Variants in TM9SF2 observed in about 807,000 individuals in gnomAD.
The protein encoded by TM9SF2 is transmembrane 9 superfamily member 2.
Under a neutral mutation model 84.9 loss-of-function variants are expected in TM9SF2, and 13 were observed. The ratio of observed to expected loss-of-function variants is 0.15; its 90% confidence interval spans 0.10 to 0.24. The LOEUF (loss-of-function observed/expected upper bound fraction) is 0.24, where lower values mean the gene tolerates loss of function less well. Among genes scored for constraint, TM9SF2 ranks in the 10% least tolerant of loss-of-function variants. The pLI is 1.00. For synonymous variants in TM9SF2, 273 were observed against 285.8 expected (o/e 0.96, Z 0.45); for missense variants, 562 against 818.5 (o/e 0.69, Z 3.82).
At chr13:99,509,814 C>T (rs1421639631) in intron 1 of TM9SF2, among the ~76,000 whole-genome samples, 10 of 152,186 alleles carry the variant, frequency 6.6e-5, no homozygotes, top group South Asian at 2.1e-4. Flanking sequence ...CTGTAGCATG[C>T]GGTTGCCCCA....
chr13:99,557,813 G>C (rs1311334566), intron 15 of TM9SF2, among the ~76,000 whole-genome samples: 1 of 152,078 alleles, frequency 6.6e-6, no homozygotes, highest in Non-Finnish European at 1.5e-5. Context: ...AGTAAGCCAT[G>C]ATTACACCAC....
intron 8 of TM9SF2, among the ~76,000 whole-genome samples, 154 bp from the exon 9 acceptor site, chr13:99,541,405 G>C (rs1302989003): frequency 6.6e-6 from 1 of 152,188 alleles, no homozygotes; most frequent in Non-Finnish European, 1.5e-5. Context: ...AAACATGAAA[G>C]AACACAGTTC....
chr13:99,503,431 A>G (rs1174557295), intron 1 of TM9SF2, among the ~76,000 whole-genome samples: 2 of 152,176 alleles, frequency 1.3e-5, no homozygotes, highest in African/African-American at 4.8e-5. Context: ...TGACAGGGCC[A>G]GGTGTGGTGG....
chr13:99,549,062 T>C (rs934596065), intron 11 of TM9SF2, 103 bp from the exon 12 acceptor site: 13 of 866,608 alleles, frequency 1.5e-5, no homozygotes, highest in Non-Finnish European at 2.3e-5. Flanking sequence ...GAATGAGTAC[T>C]CATTGCTGTC....
chr13:99,544,595 G>C (rs1264258621), intron 10 of TM9SF2, among the ~76,000 whole-genome samples: 1 of 152,160 alleles, frequency 6.6e-6, no homozygotes, highest in Admixed American at 6.6e-5. Context: ...GGACCATTTA[G>C]GGTCTCTTTT....
intron 9 of TM9SF2, among the ~76,000 whole-genome samples, chr13:99,542,143 C>CT (rs2046262828): frequency 1.5e-5 from 2 of 136,350 alleles, no homozygotes; most frequent in African/African-American, 2.8e-5. Flanking sequence ...GAGCAAGACT[C>CT]TGTCTCAAAA....
intron 15 of TM9SF2, among the ~76,000 whole-genome samples, chr13:99,558,025 A>G (rs978441334): frequency 1.3e-5 from 2 of 152,234 alleles, no homozygotes; most frequent in South Asian, 2.1e-4. Context: ...GTGTCCAGCT[A>G]CATTATTTGA....
intron 14 of TM9SF2, 40 bp downstream of exon 14, chr13:99,554,495 A>G: frequency 1.9e-6 from 3 of 1,585,694 alleles, no homozygotes; most frequent in Admixed American, 1.8e-5. Flanking sequence ...CATTACCATT[A>G]TATGTAATAT....
intron 13 of TM9SF2, 134 bp from the exon 14 acceptor site, chr13:99,554,170 A>G (rs2046317194): frequency 5.7e-6 from 6 of 1,048,070 alleles, no homozygotes; most frequent in Non-Finnish European, 6.8e-6. Context: ...TTTCAGTTTG[A>G]TGTCTTAAGT....
intron 4 of TM9SF2, among the ~76,000 whole-genome samples, chr13:99,535,263 A>G (rs1439643791): frequency 6.6e-6 from 1 of 152,316 alleles, no homozygotes; most frequent in Admixed American, 6.5e-5. Context: ...TATATAAATG[A>G]TACATTTAGG....
intron 3 of TM9SF2, among the ~76,000 whole-genome samples, chr13:99,523,022 C>T (rs911396967): frequency 6.6e-6 from 1 of 152,174 alleles, no homozygotes; most frequent in Non-Finnish European, 1.5e-5. Flanking sequence ...CATATCTGTA[C>T]TAAAACAAAT....
At chr13:99,541,491 T>C in intron 8 of TM9SF2, 68 bp from the exon 9 acceptor site, 1 of 1,183,550 alleles carries the variant, frequency 8.4e-7, no homozygotes, top group Non-Finnish European at 1.2e-6. Context: ...CAATAAACAG[T>C]TTTTAAAAGA....
At chr13:99,548,232 C>T (rs78568008) in intron 11 of TM9SF2, among the ~76,000 whole-genome samples, 3,751 of 152,186 alleles carry the variant, frequency 0.025, 156 homozygotes, top group African/African-American at 0.086. Flanking sequence ...TCACTAATGC[C>T]TCCCCATCCT....
rs570869690 is a variant in TM9SF2, at chr13:99,519,942, A to G, written c.240-94A>G. The G allele has an allele frequency of 4.9e-5, 51 of 1,036,750 alleles. No individual in the cohort carries two copies. The African/African-American group carries it at 6.8e-4, about 14-fold the overall frequency. 64.2% of individuals were successfully genotyped at this position (1,036,750 alleles called of 1,614,324 possible). ...TTACTCATCTACTAGAGCTGCTACA[A>G]TGATCAGTACCTAATCTGCTCTCAA... On this transcript the variant is annotated intron_variant, in intron 2 of 16. Coordinates refer to ENST00000376387, the MANE Select transcript of TM9SF2 (RefSeq NM_004800.3).
chr13:99,537,396 G>A (rs1350902403), intron 5 of TM9SF2, among the ~76,000 whole-genome samples: 1 of 152,044 alleles, frequency 6.6e-6, no homozygotes, highest in East Asian at 1.9e-4. Flanking sequence ...AAGCTTCCAG[G>A]CAGGAAAAGT....
rs2046272203 is a variant in TM9SF2 at position 99,544,002 on chromosome 13, G to A, written c.1150+7G>A. 1.2e-6 allele frequency: 2 copies of A among 1,607,100 alleles called. No homozygotes were observed. The highest frequency in any genetic ancestry group is 8.5e-7 in the Non-Finnish European group (1 of 1,177,668). The stretch of plus-strand genomic sequence containing the variant: ...ATGACCTTTGTGACTCTATGTAAGT[G>A]TTAACTGAAAATTTTCAAGTAGAAA... On this transcript the variant is annotated splice_region_variant and intron_variant, in intron 10 of 16. Transcript: ENST00000376387.
At position 99,546,136 on chromosome 13, in the gene TM9SF2, C is replaced by T. The variant is rs930320980; in HGVS notation, c.1151-849C>T. Reference sequence around the variant, plus strand: ...CTGATGTGTTTCCTGCTCATCATGACTCTGGTGCTTGTCAGAGGTGTGTGC... The same window carrying T: ...CTGATGTGTTTCCTGCTCATCATGATTCTGGTGCTTGTCAGAGGTGTGTGC... On this transcript the variant is annotated intron_variant, in intron 10 of 16. Transcript: ENST00000376387. Among the ~76,000 whole-genome samples, 9 of 152,290 alleles carry T rather than the reference C, an allele frequency of 5.9e-5. 1 individual carries two copies. In the East Asian group the frequency reaches 1.7e-3, roughly 29 times the overall value.
intron 16 of TM9SF2, among the ~76,000 whole-genome samples, chr13:99,561,095 T>C (rs1331918253): frequency 6.6e-6 from 1 of 152,242 alleles, no homozygotes; most frequent in Non-Finnish European, 1.5e-5. Context: ...TTATAGTGTA[T>C]TTCACTTTCT....
At position 99,515,967 on chromosome 13, in the gene TM9SF2, G is replaced by A. The variant is rs563365214; in HGVS notation, c.172-1647G>A. 3.9e-5 allele frequency among the ~76,000 whole-genome samples: 6 copies of A among 152,196 alleles called. No individual in the cohort carries two copies. In the East Asian group the frequency reaches 1.2e-3, roughly 29 times the overall value. On this transcript the variant is annotated intron_variant, in intron 1 of 16. Transcript: ENST00000376387. ...GGCTGGTCTCAATCTCCTGACCTCA[G>A]GTGATCCGCCCGCCTTGGCCTCCCA...
Sources: allele counts gnomAD v4.1 joint callset (sites outside exome capture counted in the v4.1 genomes callset), GRCh38; gene constraint gnomAD v4.1.1; transcripts MANE v1.5; gene names NCBI Gene and HGNC (gene_info 2026-07-23, HGNC 2026-07-21).